MYO3A: variants seen among roughly 807,000 people sequenced by gnomAD.
The protein encoded by MYO3A is myosin IIIA, also known as myosin-IIIa.
A neutral mutation model predicts 192.7 loss-of-function variants in MYO3A; 180 were observed. The ratio of observed to expected loss-of-function variants is 0.93; its 90% CI spans 0.83 to 1.06. The LOEUF is 1.06. MYO3A is among the 50% of genes least tolerant of loss of function. MYO3A has a pLI of 0.00. For synonymous variants in MYO3A, 628 were observed against 645.3 expected (o/e 0.97, Z 0.41); for missense variants, 1,896 against 1,905.0 (o/e 1.00, Z 0.09).
intron 4 of MYO3A, among the ~76,000 whole-genome samples, chr10:25,965,915 G>C (rs1472501458): frequency 1.3e-5 from 2 of 151,732 alleles, no homozygotes; most frequent in Non-Finnish European, 2.9e-5. Flanking sequence ...TGGCTACCGG[G>C]GTAGGGAAGG....
intron 26 of MYO3A, among the ~76,000 whole-genome samples, chr10:26,159,232 C>T (rs543309406): frequency 2.2e-4 from 34 of 151,492 alleles, no homozygotes; most frequent in East Asian, 1.2e-3. Flanking sequence ...CCTCGTGATC[C>T]GCCCACCTTG....
At chr10:26,093,949 C>T (rs537611782) in intron 15 of MYO3A, among the ~76,000 whole-genome samples, 2 of 152,322 alleles carry the variant, frequency 1.3e-5, no homozygotes, top group African/African-American at 2.4e-5. Flanking sequence ...TCTCTCTTCA[C>T]TCAGGGGAGA....
At chr10:26,077,232 G>GTTTTTTTTTTTT (rs1835632105) in intron 14 of MYO3A, among the ~76,000 whole-genome samples, 1 of 35,774 alleles carries the variant, frequency 2.8e-5, no homozygotes, top group Non-Finnish European at 6.8e-5. Flanking sequence ...ATATTCCTAA[G>GTTTTTTTTTTTT]GTTTTTTTTT....
chr10:25,954,025 G>A (rs1837380266), intron 3 of MYO3A, among the ~76,000 whole-genome samples: 2 of 152,210 alleles, frequency 1.3e-5, no homozygotes, highest in South Asian at 4.1e-4. Flanking sequence ...GAGAGGAGTT[G>A]AATGAGTAAG....
rs116411043 is a variant in MYO3A at position 26,074,916 on chromosome 10, T to C, written c.1359+4515T>C. 3.7e-3 allele frequency among the ~76,000 whole-genome samples: 556 copies of C among 152,176 alleles called. 2 individuals are homozygous for C. The highest frequency in any genetic ancestry group is 0.013 in the African/African-American group (537 of 41,548). On this transcript the variant is annotated intron_variant, in intron 14 of 34. Coordinates refer to ENST00000642920, the MANE Select transcript of MYO3A (RefSeq NM_017433.5). ...TTATCCATTTTGAGGTGATTTTTTGTGTATGGTATAAGATAAGGATCAAAT... is the reference window on the plus strand; with the variant it reads ...TTATCCATTTTGAGGTGATTTTTTGCGTATGGTATAAGATAAGGATCAAAT...
At chr10:25,943,795 TGTG>T (rs1836658659) in intron 2 of MYO3A, among the ~76,000 whole-genome samples, 1 of 151,742 alleles carries the variant, frequency 6.6e-6, no homozygotes, top group African/African-American at 2.4e-5. Context: ...TGTGTGTGTG[TGTG>T]TGTGTGATTC....
At chr10:26,107,618 T>C (rs1277169225) in intron 17 of MYO3A, among the ~76,000 whole-genome samples, 1 of 152,150 alleles carries the variant, frequency 6.6e-6, no homozygotes, top group African/African-American at 2.4e-5. Flanking sequence ...CTCTTTCAGG[T>C]TATTTGTATT....
intron 8 of MYO3A, chr10:26,023,072 A>G (rs1292245617): frequency 1.3e-5 from 2 of 152,196 alleles, no homozygotes; most frequent in Non-Finnish European, 2.9e-5. Context: ...GAAACAAAAC[A>G]ACATTTCTGG....
chr10:26,056,960 GA>G (rs59183894), intron 10 of MYO3A, among the ~76,000 whole-genome samples: 71,691 of 150,244 alleles, frequency 0.48, 17,791 homozygotes, highest in Middle Eastern at 0.59. Context: ...AGGACAGGAG[GA>G]AAAAAAAAAT....
chr10:26,128,224 C>G (rs771043893), intron 19 of MYO3A, among the ~76,000 whole-genome samples, 167 bp from the exon 20 acceptor site: 2 of 152,108 alleles, frequency 1.3e-5, no homozygotes, highest in Admixed American at 6.6e-5. Flanking sequence ...CTGCCGTTAT[C>G]TTTATGTGCT....
intron 10 of MYO3A, among the ~76,000 whole-genome samples, chr10:26,063,083 C>T (rs4998839): frequency 0.47 from 71,768 of 151,712 alleles, 17,819 homozygotes; most frequent in Middle Eastern, 0.59. Flanking sequence ...ATGAGTAACT[C>T]CAGGGTCCAG....
intron 33 of MYO3A, 115 bp from the exon 34 acceptor site, chr10:26,202,849 G>T (rs1843737188): frequency 8.6e-7 from 1 of 1,159,608 alleles, no homozygotes. Flanking sequence ...CTATTGACAT[G>T]TGTATGTTAC....
chr10:26,125,277 T>G, intron 18 of MYO3A, 121 bp from the exon 19 acceptor site: 1 of 894,206 alleles, frequency 1.1e-6, no homozygotes, highest in Non-Finnish European at 1.8e-6. Context: ...ATTTTTACAT[T>G]ACATAATCTC....
At chr10:26,026,268 T>A in intron 9 of MYO3A, 109 bp from the exon 10 acceptor site, 1 of 1,332,306 alleles carries the variant, frequency 7.5e-7, no homozygotes, top group Non-Finnish European at 1.0e-6. Flanking sequence ...GGGCTGAGCA[T>A]TTATGAGGAG....
intron 27 of MYO3A, 138 bp downstream of exon 27, chr10:26,166,316 T>C: frequency 1.5e-6 from 1 of 648,956 alleles, no homozygotes; most frequent in South Asian, 1.7e-5. Context: ...AGTAAAGTTA[T>C]AAACTCATAA....
chr10:26,162,814 G>A (rs923684084), intron 26 of MYO3A, among the ~76,000 whole-genome samples: 4 of 152,234 alleles, frequency 2.6e-5, no homozygotes, highest in Non-Finnish European at 5.9e-5. Context: ...AGTGAGAACT[G>A]CCAGCCTTGA....
chr10:26,134,851 C>A (rs1014171831), intron 20 of MYO3A, among the ~76,000 whole-genome samples: 4 of 152,078 alleles, frequency 2.6e-5, no homozygotes, highest in Non-Finnish European at 4.4e-5. Flanking sequence ...CTACCCTGGG[C>A]AATGTTTTCA....
At chr10:26,161,900 TATA>T (rs574737416) in intron 26 of MYO3A, among the ~76,000 whole-genome samples, 241 of 152,292 alleles carry the variant, frequency 1.6e-3, no homozygotes, top group African/African-American at 5.7e-3. Context: ...AACAGCACAT[TATA>T]CATTCAGCAA....
chr10:26,149,813 T>C (rs1025474928), intron 23 of MYO3A, among the ~76,000 whole-genome samples: 2 of 152,192 alleles, frequency 1.3e-5, no homozygotes, highest in African/African-American at 4.8e-5. Flanking sequence ...TGAACTTACG[T>C]ATCCTATCTA....
Sources: allele counts gnomAD v4.1 joint callset (sites outside exome capture counted in the v4.1 genomes callset), GRCh38; gene constraint gnomAD v4.1.1; transcripts MANE v1.5; gene names NCBI Gene and HGNC (gene_info 2026-07-23, HGNC 2026-07-21).